SLIT1: variants seen among roughly 807,000 people sequenced by gnomAD.
SLIT1 encodes slit homolog 1 protein.
In SLIT1, 66 loss-of-function variants were observed where a neutral mutation model predicts 186.1. That is an observed-to-expected ratio of 0.35 (90% CI 0.29 to 0.44). The LOEUF (loss-of-function observed/expected upper bound fraction) is 0.44. SLIT1 is among the 20% of genes least tolerant of loss of function. SLIT1 has a pLI of 1.00. For synonymous variants in SLIT1, 761 were observed against 833.8 expected (o/e 0.91, Z 1.50); for missense variants, 1,638 against 2,037.4 (o/e 0.80, Z 3.77).
intron 1 of SLIT1, among the ~76,000 whole-genome samples, chr10:97,173,826 T>A (rs1850222360): frequency 6.6e-6 from 1 of 152,192 alleles, no homozygotes; most frequent in South Asian, 2.1e-4. Flanking sequence ...GAGCACAGAA[T>A]CTGACCCCAA....
chr10:97,115,260 T>C (rs1057172637), intron 4 of SLIT1, among the ~76,000 whole-genome samples: 1 of 152,220 alleles, frequency 6.6e-6, no homozygotes, highest in Non-Finnish European at 1.5e-5. Context: ...AGCTCACTAA[T>C]GCTTGAGGCT....
intron 4 of SLIT1, among the ~76,000 whole-genome samples, chr10:97,100,960 T>G (rs1426181965): frequency 2.0e-5 from 3 of 152,082 alleles, no homozygotes; most frequent in Non-Finnish European, 4.4e-5. Context: ...CCCATGGGTA[T>G]AGTCTGCCCA....
chr10:97,165,738 T>C (rs1036346035), intron 1 of SLIT1, among the ~76,000 whole-genome samples: 3 of 152,090 alleles, frequency 2.0e-5, no homozygotes, highest in Non-Finnish European at 4.4e-5. Context: ...CCTGCAGCAG[T>C]GAGCAGGAGG....
chr10:97,062,424 C>T (rs1416493747), intron 8 of SLIT1, among the ~76,000 whole-genome samples: 1 of 152,234 alleles, frequency 6.6e-6, no homozygotes, highest in African/African-American at 2.4e-5. Context: ...TTGGGAGAAA[C>T]AGTCAGCCTC....
At chr10:97,164,948 G>A in intron 1 of SLIT1, 58 bp from the exon 2 acceptor site, 1 of 1,369,548 alleles carries the variant, frequency 7.3e-7, no homozygotes, top group Non-Finnish European at 1.0e-6. Flanking sequence ...CCCCAGGCCA[G>A]GGGCCCTGCT....
chr10:97,136,928 G>A (rs1177933316), intron 4 of SLIT1, among the ~76,000 whole-genome samples: 12 of 152,164 alleles, frequency 7.9e-5, no homozygotes, highest in Admixed American at 7.9e-4. Context: ...CCCTGTTAGA[G>A]TCAAAACGGA....
intron 4 of SLIT1, among the ~76,000 whole-genome samples, chr10:97,139,352 C>A (rs935723690): frequency 3.3e-5 from 5 of 152,244 alleles, no homozygotes; most frequent in Non-Finnish European, 1.5e-5. Context: ...TCTCAGTGTG[C>A]TCCCCTCAAA....
At chr10:97,072,049 G>T (rs931480786) in intron 4 of SLIT1, among the ~76,000 whole-genome samples, 1 of 152,244 alleles carries the variant, frequency 6.6e-6, no homozygotes, top group Non-Finnish European at 1.5e-5. Flanking sequence ...TATGACTGGG[G>T]AGGAGCAGAG....
At chr10:97,112,203 G>A (rs970773841) in intron 4 of SLIT1, among the ~76,000 whole-genome samples, 1 of 152,032 alleles carries the variant, frequency 6.6e-6, no homozygotes, top group African/African-American at 2.4e-5. Context: ...CCTCCTCTAG[G>A]GAGCCTCTGC....
intron 17 of SLIT1, 91 bp downstream of exon 17, chr10:97,046,900 C>A (rs558395095): frequency 1.3e-6 from 2 of 1,573,666 alleles, no homozygotes; most frequent in East Asian, 2.2e-5. Flanking sequence ...TCCTGGCCCC[C>A]CGCCGTGGGA....
chr10:97,133,885 C>T (rs1849677613), intron 4 of SLIT1, among the ~76,000 whole-genome samples: 1 of 152,156 alleles, frequency 6.6e-6, no homozygotes, highest in African/African-American at 2.4e-5. Context: ...CCCTGGCTCA[C>T]CGTCTTGTCC....
rs937823441 is a variant in SLIT1, at chr10:97,018,510, T to G, written c.2969+76A>C. The G allele has an allele frequency of 1.2e-5, 11 of 898,296 alleles. No individual in the cohort carries two copies. The Admixed American group carries it at 2.2e-4, about 18-fold the overall frequency. The allele number at this position is 898,296 out of a possible 1,614,324, so 55.6% of individuals were successfully genotyped here. A position where few individuals can be genotyped will look rare whatever the true frequency, so the allele number is the denominator to read the frequency against. On this transcript the variant is annotated intron_variant, in intron 28 of 36. Transcript: ENST00000266058. ...CACAGGAGGCCTGGGCCATCCCTGA[T>G]GGAGAGGAGGGCCCTGAGGCACAGG...
chr10:97,092,984 T>A (rs926868926), intron 4 of SLIT1, among the ~76,000 whole-genome samples: 1 of 152,254 alleles, frequency 6.6e-6, no homozygotes, highest in African/African-American at 2.4e-5. Context: ...GTGATTTGCC[T>A]AAGGTTACAC....
chr10:97,082,686 G>A (rs1289352962), intron 4 of SLIT1, among the ~76,000 whole-genome samples: 2 of 152,008 alleles, frequency 1.3e-5, no homozygotes, highest in African/African-American at 4.8e-5. Context: ...TGCCCTCCTC[G>A]GCCTCCCAAA....
In SLIT1 at chr10:97,184,018, C is replaced by CACACACACA. The variant is rs1427040996; in HGVS notation, c.197+1459_197+1460insTGTGTGTGT. 7.0e-6 allele frequency among the ~76,000 whole-genome samples: 1 copy of CACACACACA among 142,476 alleles called. No homozygotes were observed. Among genetic ancestry groups the CACACACACA allele is most frequent in the African/African-American group, 2.6e-5 (1 of 37,970 alleles). 93.5% of individuals were successfully genotyped at this position (142,476 alleles called of 152,430 possible). A position where few individuals can be genotyped will look rare whatever the true frequency, so the allele number is the denominator to read the frequency against. ...ATTCACACACACACATACACATGCACCACACACACACACACACACACACAC... is the reference window on the plus strand; with the variant it reads ...ATTCACACACACACATACACATGCACACACACACACACACACACACACACACACACACAC... On this transcript the variant is annotated intron_variant, in intron 1 of 36. Coordinates refer to ENST00000266058, the MANE Select transcript of SLIT1 (RefSeq NM_003061.3). The surrounding 1 kb of genome is among the most constrained non-coding windows in gnomAD (Gnocchi z 4.4).
intron 4 of SLIT1, among the ~76,000 whole-genome samples, chr10:97,077,423 G>C (rs777997329): frequency 1.4e-4 from 22 of 152,306 alleles, no homozygotes; most frequent in Admixed American, 2.6e-4. Flanking sequence ...CCTTGAGCCA[G>C]ACCAGCTGGA....
chr10:97,107,482 G>A (rs1490694), intron 4 of SLIT1, among the ~76,000 whole-genome samples: 43,519 of 151,966 alleles, frequency 0.29, 6,879 homozygotes, highest in African/African-American at 0.43. Flanking sequence ...CGAGACCCCA[G>A]AGCTCTGCTG....
intron 31 of SLIT1, among the ~76,000 whole-genome samples, chr10:97,009,759 A>G (rs746192720): frequency 2.0e-5 from 3 of 152,258 alleles, no homozygotes; most frequent in Non-Finnish European, 2.9e-5. Context: ...TAGAATATAT[A>G]AAAAGCCTTT....
chr10:97,179,885 C>A (rs1300036089), intron 1 of SLIT1, among the ~76,000 whole-genome samples: 1 of 149,732 alleles, frequency 6.7e-6, no homozygotes, highest in East Asian at 2.1e-4. Flanking sequence ...ATTTGTATGG[C>A]GATAATTACA....
Sources: allele counts gnomAD v4.1 joint callset (sites outside exome capture counted in the v4.1 genomes callset), GRCh38; gene constraint gnomAD v4.1.1; non-coding constraint Gnocchi (gnomAD v3.1); transcripts MANE v1.5; gene names NCBI Gene and HGNC (gene_info 2026-07-23, HGNC 2026-07-21).